CAST: variants seen among roughly 807,000 people sequenced by gnomAD.
The protein encoded by CAST is calpastatin, also known as MIR583 host.
CAST carries 76 observed loss-of-function variants against 119.6 expected under a neutral mutation model. The ratio of observed to expected loss-of-function variants is 0.64; its 90% CI spans 0.53 to 0.77. The LOEUF is 0.77. Among genes scored for constraint, CAST ranks in the 30% least tolerant of loss-of-function variants. CAST has a pLI of 0.00. For missense variants in CAST, 953 were observed against 946.5 expected (o/e 1.01, Z -0.09); for synonymous variants, 319 against 331.6 (o/e 0.96, Z 0.41).
At chr5:96,127,647 T>G in the CAST span, among the ~76,000 whole-genome samples, 1 of 152,144 alleles carries the variant, frequency 6.6e-6, no homozygotes, top group Non-Finnish European at 1.5e-5. Context: ...CTTCTCTCTT[T>G]TTTTGTTCCC....
At chr5:96,632,025 A>AATTATTATTATTATTATTATT (rs3064173) in intron 1 of CAST, among the ~76,000 whole-genome samples, 154 of 149,740 alleles carry the variant, frequency 1.0e-3, no homozygotes, top group East Asian at 5.9e-3. Context: ...TCCTTTTAAA[A>AATTATTATTATTATTATTATT]ATTATTATTA....
At chr5:96,300,536 G>T in the CAST span, among the ~76,000 whole-genome samples, 1 of 151,044 alleles carries the variant, frequency 6.6e-6, no homozygotes, top group Non-Finnish European at 1.5e-5. Context: ...GTAGTGTGAT[G>T]CTTCCAGCTT....
At chr5:96,742,547 A>G (rs1259543420) in intron 15 of CAST, 108 bp from the exon 16 acceptor site, 7 of 752,264 alleles carry the variant, frequency 9.3e-6, no homozygotes, top group South Asian at 5.2e-5. Flanking sequence ...GCACTTCCCC[A>G]ATCCATATTC....
At chr5:96,377,479 T>C in the CAST span, among the ~76,000 whole-genome samples, 3 of 152,184 alleles carry the variant, frequency 2.0e-5, no homozygotes, top group Admixed American at 1.3e-4. Context: ...TTTAGATATG[T>C]CTAGATATAA....
chr5:96,628,563 T>G (rs1747766128), intron 1 of CAST, among the ~76,000 whole-genome samples: 1 of 152,190 alleles, frequency 6.6e-6, no homozygotes, highest in South Asian at 2.1e-4. Context: ...GTATCTGGGC[T>G]TAGAGCCAGC....
At chr5:96,554,778 T>G (rs563077671) in intron 1 of CAST, among the ~76,000 whole-genome samples, 59 of 152,334 alleles carry the variant, frequency 3.9e-4, no homozygotes, top group African/African-American at 1.4e-3. Flanking sequence ...AAGACATTTA[T>G]GCAGCCAACA....
the CAST span, among the ~76,000 whole-genome samples, chr5:96,156,012 C>T: frequency 6.6e-6 from 1 of 152,308 alleles, no homozygotes; most frequent in Admixed American, 6.5e-5. Flanking sequence ...CTTCTCGAAG[C>T]CTTTTGCTAT....
At chr5:96,248,016 A>G in the CAST span, 14 of 152,358 alleles carry the variant, frequency 9.2e-5, no homozygotes, top group South Asian at 1.4e-3. Flanking sequence ...CACTGCTTAC[A>G]GGTAATATAT....
At chr5:96,328,532 G>A in the CAST span, among the ~76,000 whole-genome samples, 132,391 of 151,926 alleles carry the variant, frequency 0.87, 58,001 homozygotes, top group Non-Finnish European at 0.92. Context: ...AGGCAGATTC[G>A]GTGCCAGTTA....
At chr5:96,437,047 C>T in the CAST span, among the ~76,000 whole-genome samples, 1 of 152,164 alleles carries the variant, frequency 6.6e-6, no homozygotes, top group Non-Finnish European at 1.5e-5. Context: ...AGCTCAGCAA[C>T]AAGCTACTCA....
At chr5:96,023,048 G>A in the CAST span, among the ~76,000 whole-genome samples, 526 of 152,288 alleles carry the variant, frequency 3.5e-3, no homozygotes, top group African/African-American at 0.012. Flanking sequence ...CCATGTTGGA[G>A]GAAACAAGTC....
upstream of CAST, chr5:96,662,222 G>A (rs931270581): frequency 1.6e-5 from 9 of 545,828 alleles, no homozygotes; most frequent in African/African-American, 1.2e-4. Flanking sequence ...GTCCCTCCGC[G>A]GGCAGGAAGG....
chr5:96,532,602 C>G (rs1405480497), intron 1 of CAST, among the ~76,000 whole-genome samples: 2 of 152,146 alleles, frequency 1.3e-5, no homozygotes, highest in East Asian at 3.9e-4. Flanking sequence ...GGAATCTCAG[C>G]ACTTTGGGAG....
At chr5:96,415,199 A>G in the CAST span, among the ~76,000 whole-genome samples, 2 of 152,196 alleles carry the variant, frequency 1.3e-5, no homozygotes, top group Non-Finnish European at 2.9e-5. Flanking sequence ...GACTGCATCA[A>G]TGGGCTCTGT....
chr5:96,050,587 G>T, the CAST span, among the ~76,000 whole-genome samples: 1 of 152,244 alleles, frequency 6.6e-6, no homozygotes, highest in Admixed American at 6.5e-5. Flanking sequence ...TCTCTGAGGA[G>T]AATGGTGCTG....
At chr5:96,367,075 G>A in the CAST span, among the ~76,000 whole-genome samples, 33 of 152,302 alleles carry the variant, frequency 2.2e-4, no homozygotes, top group African/African-American at 6.7e-4. Flanking sequence ...AGGTCTGTTG[G>A]AGTTTGCTTG....
At chr5:96,764,413 A>G (rs1769078563) in intron 25 of CAST, among the ~76,000 whole-genome samples, 1 of 152,188 alleles carries the variant, frequency 6.6e-6, no homozygotes, top group Non-Finnish European at 1.5e-5. Flanking sequence ...AGTTACAGTG[A>G]TATTGTTGTC....
At chr5:96,534,730 A>AAGGAAGGAAGGAAG (rs1561408800) in intron 1 of CAST, among the ~76,000 whole-genome samples, 1 of 10,004 alleles carries the variant, frequency 1.0e-4, no homozygotes, top group Non-Finnish European at 2.5e-4. Flanking sequence ...AGAGAGAGAG[A>AAGGAAGGAAGGAAG]GAGAGAGAGA....
the CAST span, among the ~76,000 whole-genome samples, chr5:96,518,400 C>T: frequency 2.2e-4 from 34 of 152,314 alleles, no homozygotes; most frequent in South Asian, 2.1e-3. Context: ...GTGAGAGACT[C>T]GTGCTTCAAC....
Sources: allele counts gnomAD v4.1 joint callset (sites outside exome capture counted in the v4.1 genomes callset), GRCh38; gene constraint gnomAD v4.1.1; transcripts MANE v1.5; gene names NCBI Gene and HGNC (gene_info 2026-07-23, HGNC 2026-07-21).